TMTC2: variants seen among roughly 807,000 people sequenced by gnomAD.
TMTC2 encodes the protein transmembrane O-mannosyltransferase targeting cadherins 2, also known as protein O-mannosyl-transferase TMTC2.
TMTC2 carries 43 observed loss-of-function variants against 82.4 expected under a neutral mutation model. The observed-to-expected ratio is 0.52, with a 90% CI of 0.41 to 0.67. The LOEUF (loss-of-function observed/expected upper bound fraction) is 0.67, where lower values mean the gene tolerates loss of function less well. TMTC2 is among the 30% of genes least tolerant of loss of function. The pLI is 0.00. For synonymous variants in TMTC2, 408 were observed against 381.9 expected, an observed-to-expected ratio of 1.07 and a Z score of -0.80; for missense variants, 919 against 1,012.4, an observed-to-expected ratio of 0.91 and a Z score of 1.25.
At chr12:82,723,868 G>A (rs1463243748) in intron 1 of TMTC2, among the ~76,000 whole-genome samples, 1 of 152,190 alleles carries the variant, frequency 6.6e-6, no homozygotes, top group Non-Finnish European at 1.5e-5. Flanking sequence ...TGTGAGCAGA[G>A]TATTGGCTTT....
At chr12:82,937,797 C>CATATATATATATATATATAT in intron 4 of TMTC2, among the ~76,000 whole-genome samples, 1 of 22,140 alleles carries the variant, frequency 4.5e-5, no homozygotes, top group African/African-American at 1.5e-4. Flanking sequence ...TATATATATA[C>CATATATATATATATATATAT]ACACATATAT....
chr12:82,763,684 A>T (rs1876780018), intron 1 of TMTC2, among the ~76,000 whole-genome samples: 1 of 152,230 alleles, frequency 6.6e-6, no homozygotes, highest in Non-Finnish European at 1.5e-5. Flanking sequence ...AAAGAAAAAG[A>T]AAAACGTGAC....
At chr12:82,977,008 A>G (rs1239245047) in intron 7 of TMTC2, among the ~76,000 whole-genome samples, 3 of 152,040 alleles carry the variant, frequency 2.0e-5, no homozygotes, top group African/African-American at 4.8e-5. Flanking sequence ...AGAAAAATAT[A>G]TAAAAGATTG....
chr12:83,017,273 A>G (rs1880718693), intron 8 of TMTC2, among the ~76,000 whole-genome samples: 1 of 152,200 alleles, frequency 6.6e-6, no homozygotes, highest in Admixed American at 6.5e-5. Flanking sequence ...ATTGTGAATT[A>G]TTGTGAGAGA....
intron 1 of TMTC2, among the ~76,000 whole-genome samples, chr12:82,805,406 T>C (rs765221371): frequency 3.3e-5 from 5 of 152,048 alleles, no homozygotes; most frequent in Admixed American, 6.6e-5. Context: ...GAAGTTATTA[T>C]GTATTCCTAA....
intron 10 of TMTC2, among the ~76,000 whole-genome samples, chr12:83,052,037 C>A (rs1318444717): frequency 1.3e-5 from 2 of 151,996 alleles, no homozygotes; most frequent in African/African-American, 4.8e-5. Context: ...ACTTGAATAT[C>A]ACTTCATTAA....
intron 8 of TMTC2, among the ~76,000 whole-genome samples, chr12:83,015,343 T>C (rs1009126860): frequency 2.0e-5 from 3 of 152,220 alleles, no homozygotes; most frequent in Admixed American, 6.5e-5. Flanking sequence ...ACTGCCATCC[T>C]ATATACCTTT....
intron 11 of TMTC2, among the ~76,000 whole-genome samples, chr12:83,090,440 A>G (rs1426550454): frequency 6.6e-6 from 1 of 152,216 alleles, no homozygotes; most frequent in Non-Finnish European, 1.5e-5. Flanking sequence ...AGAGTCATGC[A>G]GCTGACATAT....
chr12:82,985,087 G>A (rs1476629964), intron 7 of TMTC2, among the ~76,000 whole-genome samples: 1 of 151,874 alleles, frequency 6.6e-6, no homozygotes, highest in African/African-American at 2.4e-5. Context: ...GAGACAGGGT[G>A]TCACTCTTTC....
At chr12:82,757,818 A>G (rs528131712) in intron 1 of TMTC2, among the ~76,000 whole-genome samples, 1 of 152,340 alleles carries the variant, frequency 6.6e-6, no homozygotes, top group African/African-American at 2.4e-5. Context: ...AGTCAGGGAA[A>G]GTGGCTCAGT....
At chr12:83,065,773 C>T (rs1022457511) in intron 11 of TMTC2, among the ~76,000 whole-genome samples, 3 of 151,854 alleles carry the variant, frequency 2.0e-5, no homozygotes, top group Admixed American at 6.6e-5. Flanking sequence ...TTAAATGAAA[C>T]TGCTTTGTTC....
At chr12:83,121,086 G>A (rs1055231038) in intron 11 of TMTC2, among the ~76,000 whole-genome samples, 1 of 152,028 alleles carries the variant, frequency 6.6e-6, no homozygotes, top group African/African-American at 2.4e-5. Flanking sequence ...TCCTTACTTT[G>A]GGCTTCGTTT....
intron 11 of TMTC2, among the ~76,000 whole-genome samples, chr12:83,123,367 A>T (rs967988662): frequency 2.6e-5 from 4 of 152,162 alleles, no homozygotes; most frequent in African/African-American, 9.7e-5. Context: ...CATTTCCATG[A>T]TCTGTCAGAA....
intron 2 of TMTC2, among the ~76,000 whole-genome samples, chr12:82,890,776 A>C (rs1873354723): frequency 6.6e-6 from 1 of 152,198 alleles, no homozygotes; most frequent in Non-Finnish European, 1.5e-5. Flanking sequence ...CCAAGAACAC[A>C]CAGAGTCTCT....
At chr12:82,861,193 A>G (rs1226322771) in intron 2 of TMTC2, among the ~76,000 whole-genome samples, 1 of 152,220 alleles carries the variant, frequency 6.6e-6, no homozygotes, top group Non-Finnish European at 1.5e-5. Flanking sequence ...TAAGTAATGA[A>G]AACCTAAAAA....
At chr12:82,870,361 C>T (rs774969889) in intron 2 of TMTC2, among the ~76,000 whole-genome samples, 13 of 152,054 alleles carry the variant, frequency 8.5e-5, no homozygotes, top group African/African-American at 2.4e-4. Flanking sequence ...ACAAGCTTAA[C>T]GCAAAGAGAC....
intron 1 of TMTC2, among the ~76,000 whole-genome samples, chr12:82,722,009 TC>T (rs144970444): frequency 0.037 from 5,609 of 152,330 alleles, 153 homozygotes; most frequent in Middle Eastern, 0.085. Context: ...TCTCATATAC[TC>T]TGTGGATGTT....
rs759824250 is a variant in TMTC2, at chr12:82,966,906, T to C, written c.1870-13T>C. The C allele has an allele frequency of 8.8e-6, 14 of 1,592,156 alleles. No individual in the cohort carries two copies. The East Asian group carries it at 2.7e-4, about 31-fold the overall frequency. On this transcript the variant is annotated splice_polypyrimidine_tract_variant and intron_variant, in intron 6 of 11. Transcript: ENST00000321196. ...ATTGATGATTTATCTATTTTTTTTG[T>C]TTTATAAATTAGGAAGCCCTTAGTG...
chr12:82,850,790 G>A (rs1428811885), intron 1 of TMTC2, among the ~76,000 whole-genome samples: 1 of 152,192 alleles, frequency 6.6e-6, no homozygotes, highest in African/African-American at 2.4e-5. Flanking sequence ...AGTGGGCAGG[G>A]CACAGTGGCT....
Sources: allele counts gnomAD v4.1 joint callset (sites outside exome capture counted in the v4.1 genomes callset), GRCh38; gene constraint gnomAD v4.1.1; transcripts MANE v1.5; gene names NCBI Gene and HGNC (gene_info 2026-07-23, HGNC 2026-07-21).